PIK3C2A: variants seen among roughly 807,000 people sequenced by gnomAD.
The protein encoded by PIK3C2A is phosphatidylinositol-4-phosphate 3-kinase catalytic subunit type 2 alpha.
PIK3C2A carries 97 observed loss-of-function variants against 204.5 expected under a neutral mutation model. The observed-to-expected ratio is 0.47, with a 90% CI of 0.40 to 0.56. The LOEUF (loss-of-function observed/expected upper bound fraction) is 0.56, where lower values mean the gene tolerates loss of function less well. PIK3C2A is among the 20% of genes least tolerant of loss of function. The probability of loss-of-function intolerance (pLI) is 0.00; values close to 1 mark genes in which losing one functional copy is unlikely to be tolerated. For synonymous variants in PIK3C2A, 653 were observed against 664.4 expected (o/e 0.98, Z 0.26); for missense variants, 1,735 against 1,969.2 (o/e 0.88, Z 2.25).
intron 1 of PIK3C2A, among the ~76,000 whole-genome samples, chr11:17,181,579 C>T (rs1407207342): frequency 7.0e-6 from 1 of 143,174 alleles, no homozygotes; most frequent in African/African-American, 2.7e-5. Context: ...CCAACCTGGG[C>T]AACATGGTGA....
chr11:17,163,077 G>A (rs1333181999), intron 2 of PIK3C2A, among the ~76,000 whole-genome samples: 7 of 152,090 alleles, frequency 4.6e-5, no homozygotes, highest in African/African-American at 9.7e-5. Flanking sequence ...GGACTGAGGC[G>A]GGTGGATCAC....
chr11:17,147,267 G>T (rs1375771485), intron 6 of PIK3C2A, among the ~76,000 whole-genome samples: 3 of 152,058 alleles, frequency 2.0e-5, no homozygotes, highest in African/African-American at 7.2e-5. Context: ...CTTGTATAAA[G>T]CTATTACCAA....
chr11:17,171,255 G>T (rs1851147354), intron 1 of PIK3C2A, among the ~76,000 whole-genome samples: 1 of 152,102 alleles, frequency 6.6e-6, no homozygotes, highest in Non-Finnish European at 1.5e-5. Context: ...CATTGGCCTT[G>T]GGCATAAGCA....
chr11:17,132,166 G>A (rs2137381230), intron 11 of PIK3C2A, 128 bp from the exon 12 acceptor site: 1 of 567,612 alleles, frequency 1.8e-6, no homozygotes, highest in Non-Finnish European at 3.0e-6. Context: ...TTTCATTTGA[G>A]TTTTTAGAAG....
intron 1 of PIK3C2A, among the ~76,000 whole-genome samples, chr11:17,193,759 T>C (rs1043075074): frequency 2.0e-4 from 30 of 150,174 alleles, no homozygotes; most frequent in Admixed American, 1.9e-3. Context: ...GGCAGGAGAA[T>C]TGCTTGAAAT....
At chr11:17,147,371 T>C (rs560060999) in intron 6 of PIK3C2A, 146 bp downstream of exon 6, 2 of 584,044 alleles carry the variant, frequency 3.4e-6, no homozygotes, top group African/African-American at 3.8e-5. Context: ...TCTCCCCTCA[T>C]TTGCTAAGAA....
chr11:17,102,950 T>C (rs898792992), intron 23 of PIK3C2A, 119 bp from the exon 24 acceptor site: 35 of 628,556 alleles, frequency 5.6e-5, no homozygotes, highest in Middle Eastern at 8.4e-4. Context: ...ACTCTCTCAA[T>C]AGCATACAAA....
Position 17,118,675 on chromosome 11 carries a change from C to T in PIK3C2A, c.3005G>A (p.Gly1002Glu). The T allele has an allele frequency of 6.5e-7, 1 of 1,542,800 alleles. No homozygotes were observed. Among genetic ancestry groups the T allele is most frequent in the Non-Finnish European group, 8.9e-7 (1 of 1,117,752 alleles). Residue 1002 changes from glycine (G) to glutamate (E), a missense_variant, in exon 18 of 33, where the codon GGA becomes GAA. Transcript: ENST00000691414. ...TAAATTGTGTGCTATCTGGATATTT[C>T]CCAATGCCCTGGACAAAAGGAATTG... is the stretch of plus-strand genomic sequence containing the variant. ...LVQFLLSRAL[G>E]NIQIAHNLYW...
In PIK3C2A at chr11:17,101,429, C is replaced by T. The variant is rs922361996; in HGVS notation, c.3857G>A (p.Arg1286Gln). The T allele has an allele frequency of 2.2e-5, 33 of 1,493,158 alleles. No homozygotes were observed. The highest frequency in any genetic ancestry group is 2.7e-5 in the South Asian group (2 of 74,834). The allele number at this position is 1,493,158 out of a possible 1,614,324, so 92.5% of individuals were successfully genotyped here. Residue 1286 changes from arginine to glutamine, a missense_variant, in exon 25 of 33, where the codon CGG becomes CAG. Arg to Gln is a conservative substitution (Grantham distance 43). This residue lies in a region of PIK3C2A where 503 missense variants were observed against 669.0 expected (regional missense o/e 0.75). Coordinates refer to ENST00000691414, the MANE Select transcript of PIK3C2A (RefSeq NM_002645.4). ...ATCAGAGGTCAGCACAAAAGGAGCC[C>T]GATCCCTATTTAAAATGAAAGTACA... is the stretch of plus-strand genomic sequence containing the variant. ...AQMFGSFKRD[R>Q]APFVLTSDMA...
intron 22 of PIK3C2A, among the ~76,000 whole-genome samples, chr11:17,106,469 T>A (rs1848822928): frequency 6.6e-6 from 1 of 152,200 alleles, no homozygotes; most frequent in African/African-American, 2.4e-5. Flanking sequence ...TGTTCTTTAT[T>A]TTCAAAAGTA....
At chr11:17,158,768 C>T (rs918861918) in intron 2 of PIK3C2A, among the ~76,000 whole-genome samples, 1 of 152,092 alleles carries the variant, frequency 6.6e-6, no homozygotes, top group African/African-American at 2.4e-5. Context: ...GATTCTGAAT[C>T]TCCTTAGGTG....
At chr11:17,145,028 C>T (rs1365803159) in intron 8 of PIK3C2A, among the ~76,000 whole-genome samples, 1 of 152,124 alleles carries the variant, frequency 6.6e-6, no homozygotes, top group African/African-American at 2.4e-5. Context: ...GTATTTACCC[C>T]ACGCCTGTAC....
rs193060261 is a variant in PIK3C2A, at chr11:17,150,014, A to C, written c.1327+484T>G. On this transcript the variant is annotated intron_variant, in intron 4 of 32. Coordinates refer to ENST00000691414, the MANE Select transcript of PIK3C2A (RefSeq NM_002645.4). Reference sequence around the variant, plus strand: ...ATGCAATAAACTCTGCAAGGAAATAAAATTAGTTTTTAAAACTATAAAAAA... The same window carrying C: ...ATGCAATAAACTCTGCAAGGAAATACAATTAGTTTTTAAAACTATAAAAAA... Among the ~76,000 whole-genome samples the C allele has an allele frequency of 1.2e-3, 178 of 152,300 alleles. 1 individual carries two copies. The highest frequency in any genetic ancestry group is 6.8e-3 in the Middle Eastern group (2 of 294).
chr11:17,120,900 C>T (rs575072140), intron 15 of PIK3C2A, among the ~76,000 whole-genome samples: 73 of 152,228 alleles, frequency 4.8e-4, no homozygotes, highest in Non-Finnish European at 8.7e-4. Flanking sequence ...ACCTCCGCCT[C>T]CCAGGTTCAA....
chr11:17,101,438 T>A lies in PIK3C2A; in HGVS notation c.3852-4A>T. ...CAGCACAAAAGGAGCCCGATCCCTA[T>A]TTAAAATGAAAGTACATACAAAATA... On this transcript the variant is annotated splice_region_variant and splice_polypyrimidine_tract_variant and intron_variant, in intron 24 of 32. Coordinates refer to ENST00000691414, the MANE Select transcript of PIK3C2A (RefSeq NM_002645.4). The A allele has an allele frequency of 6.8e-7, 1 of 1,479,974 alleles. No individual in the cohort carries two copies. Among genetic ancestry groups the A allele is most frequent in the Non-Finnish European group, 9.2e-7 (1 of 1,091,526 alleles). The allele number at this position is 1,479,974 out of a possible 1,614,324, so 91.7% of individuals were successfully genotyped here.
chr11:17,104,500 CG>C (rs1565242833), intron 23 of PIK3C2A, among the ~76,000 whole-genome samples: 2 of 151,948 alleles, frequency 1.3e-5, no homozygotes, highest in African/African-American at 4.8e-5. Flanking sequence ...CTGAAGCGGG[CG>C]GATCACAAGG....
chr11:17,107,667 TATTA>T (rs775409375), intron 22 of PIK3C2A, among the ~76,000 whole-genome samples: 96 of 152,250 alleles, frequency 6.3e-4, no homozygotes, highest in Non-Finnish European at 1.2e-3. Flanking sequence ...ACAATTAAAA[TATTA>T]ATTGATACAT....
At chr11:17,134,721 C>T in intron 11 of PIK3C2A, 98 bp downstream of exon 11, 4 of 888,924 alleles carry the variant, frequency 4.5e-6, no homozygotes, top group Middle Eastern at 3.0e-4. Context: ...GGCTGGTCTC[C>T]AACTCCTGGG....
intron 20 of PIK3C2A, 38 bp from the exon 21 acceptor site, chr11:17,112,704 GA>G: frequency 1.8e-6 from 2 of 1,093,694 alleles, no homozygotes; most frequent in Non-Finnish European, 2.6e-6. Context: ...AAAGATAAAT[GA>G]AAATGGATTT....
Sources: gnomAD v4.1 joint callset for allele counts (sites outside exome capture counted in the v4.1 genomes callset) on GRCh38, gnomAD v4.1.1 for gene constraint, gnomAD v4.1.1 regional missense constraint, MANE v1.5 for transcripts, NCBI Gene and HGNC (gene_info 2026-07-23, HGNC 2026-07-21) for gene names.